CAPZB: variants seen among roughly 807,000 people sequenced by gnomAD.
CAPZB encodes the protein F-actin-capping protein subunit beta.
In CAPZB, 2 loss-of-function variants were observed where a neutral mutation model predicts 38.1. That is an observed-to-expected ratio of 0.05 (90% confidence interval 0.02 to 0.17). The LOEUF (loss-of-function observed/expected upper bound fraction) is 0.17. Ranked by LOEUF, CAPZB falls within the 10% of genes least tolerant of loss-of-function variation. The pLI, the probability that CAPZB is intolerant of heterozygous loss-of-function variation, is 1.00. For missense variants in CAPZB, 161 were observed against 334.2 expected (o/e 0.48, Z 4.04); for synonymous variants, 107 against 127.4 (o/e 0.84, Z 1.08).
At chr1:19,462,518 G>C (rs979087611) in intron 1 of CAPZB, among the ~76,000 whole-genome samples, 2 of 152,104 alleles carry the variant, frequency 1.3e-5, no homozygotes, top group Non-Finnish European at 2.9e-5. Context: ...ATACAGGTGG[G>C]GAAACTGAGG....
intron 2 of CAPZB, among the ~76,000 whole-genome samples, chr1:19,387,688 C>T (rs956446584): frequency 2.6e-5 from 4 of 152,168 alleles, no homozygotes; most frequent in East Asian, 1.9e-4. Flanking sequence ...CTCCTGACTC[C>T]GCTGCGTACA....
At chr1:19,424,732 AACTCTAAG>A (rs1218080436) in intron 1 of CAPZB, 5 of 152,288 alleles carry the variant, frequency 3.3e-5, no homozygotes, top group Non-Finnish European at 7.3e-5. Context: ...GGCCCAGATG[AACTCTAAG>A]ACTCCTTCTA....
chr1:19,476,338 C>A (rs961872670), intron 1 of CAPZB, among the ~76,000 whole-genome samples: 4 of 152,042 alleles, frequency 2.6e-5, no homozygotes, highest in Non-Finnish European at 4.4e-5. Context: ...ACTGCTTGAG[C>A]CGAGGAGGCT....
rs1044348126 is a variant in CAPZB, at chr1:19,434,757, C to T, written c.4-15007G>A. 7.2e-5 allele frequency among the ~76,000 whole-genome samples: 11 copies of T among 151,998 alleles called. No homozygotes were observed. In the East Asian group the frequency reaches 7.7e-4, roughly 11 times the overall value. On this transcript the variant is annotated intron_variant, in intron 1 of 8. Transcript: ENST00000264202. ...CAGCTTGGGCAACACGGTAAAACCC[C>T]GTCTCTACAAAAAATACAAAAATTA...
intron 1 of CAPZB, among the ~76,000 whole-genome samples, chr1:19,435,011 C>T (rs1243775229): frequency 7.9e-6 from 1 of 126,378 alleles, no homozygotes; most frequent in East Asian, 2.3e-4. Flanking sequence ...AAAAAAAACA[C>T]ACTCATTATA....
chr1:19,342,592 C>CGAGGCTACACGGGAATGTGGCT (rs2093936078), intron 8 of CAPZB, among the ~76,000 whole-genome samples: 1 of 152,040 alleles, frequency 6.6e-6, no homozygotes, highest in African/African-American at 2.4e-5. Context: ...TACATGGGGC[C>CGAGGCTACACGGGAATGTGGCT]GAGGCTACAC....
intron 1 of CAPZB, among the ~76,000 whole-genome samples, chr1:19,482,610 T>A (rs1012933788): frequency 6.6e-6 from 1 of 152,232 alleles, no homozygotes; most frequent in Non-Finnish European, 1.5e-5. Context: ...GGAATGCAAA[T>A]AAATTCCATT....
At chr1:19,475,407 C>G (rs1361591992) in intron 1 of CAPZB, among the ~76,000 whole-genome samples, 5 of 152,208 alleles carry the variant, frequency 3.3e-5, no homozygotes, top group African/African-American at 9.6e-5. Context: ...TGACTTCAGG[C>G]CAAGCGCTCA....
chr1:19,366,314 A>ATAT (rs1176738810), intron 4 of CAPZB, among the ~76,000 whole-genome samples: 5 of 140,522 alleles, frequency 3.6e-5, no homozygotes, highest in South Asian at 2.2e-4. Flanking sequence ...ATATATAAAT[A>ATAT]AAATAAATGG....
At chr1:19,397,977 C>T (rs1410665807) in intron 2 of CAPZB, among the ~76,000 whole-genome samples, 1 of 152,116 alleles carries the variant, frequency 6.6e-6, no homozygotes, top group Non-Finnish European at 1.5e-5. Flanking sequence ...GGTTGATATT[C>T]ATCTGCACGT....
Position 19,378,635 on chromosome 1 carries a change from C to T in CAPZB, c.234G>A (p.Lys78=). ...CCCCATCCTCCAAGGGAGGGTCATA[C>T]TTGTTACTCCATGGTGACCTGGAGG... is the stretch of plus-strand genomic sequence containing the variant. ...GDSYRSPWSN[K]YDPPLEDGAM... The change falls in exon 4 of 9, where the codon AAG becomes AAA. Residue 78 remains lysine, a synonymous_variant. Coordinates refer to ENST00000264202, the MANE Select transcript of CAPZB (RefSeq NM_004930.5). The T allele has an allele frequency of 1.2e-6, 2 of 1,604,234 alleles. No homozygotes were observed. Among genetic ancestry groups the T allele is most frequent in the East Asian group, 2.2e-5 (1 of 44,868 alleles).
intron 1 of CAPZB, among the ~76,000 whole-genome samples, chr1:19,446,556 A>ATTC (rs1192992075): frequency 6.6e-6 from 1 of 152,144 alleles, no homozygotes; most frequent in Non-Finnish European, 1.5e-5. Context: ...ACCTCCTAGG[A>ATTC]ATCTACCCTA....
intron 1 of CAPZB, among the ~76,000 whole-genome samples, chr1:19,422,508 G>A (rs1361384862): frequency 5.9e-5 from 9 of 152,088 alleles, no homozygotes; most frequent in Admixed American, 2.6e-4. Flanking sequence ...AGGCCAAGGC[G>A]GGCGGATCAT....
At chr1:19,432,639 C>A (rs1456808176) in intron 1 of CAPZB, among the ~76,000 whole-genome samples, 2 of 152,218 alleles carry the variant, frequency 1.3e-5, no homozygotes, top group African/African-American at 4.8e-5. Flanking sequence ...TTCAGGAGAG[C>A]CTCACAACAG....
intron 1 of CAPZB, among the ~76,000 whole-genome samples, chr1:19,442,681 T>C (rs1178623818): frequency 6.6e-6 from 1 of 152,176 alleles, no homozygotes; most frequent in African/African-American, 2.4e-5. Context: ...TGCAGCTTTG[T>C]AGCAGCCCAG....
intron 1 of CAPZB, among the ~76,000 whole-genome samples, chr1:19,425,416 G>A (rs1367312352): frequency 8.5e-5 from 13 of 152,094 alleles, no homozygotes; most frequent in Non-Finnish European, 1.5e-4. Context: ...TGCTCCTCAT[G>A]GAGCTTATGG....
intron 3 of CAPZB, among the ~76,000 whole-genome samples, chr1:19,383,543 G>A (rs1012334862): frequency 5.3e-5 from 8 of 152,094 alleles, no homozygotes; most frequent in East Asian, 3.9e-4. Context: ...CAGCCTGGGC[G>A]ACAGAGCAAG....
At chr1:19,475,564 G>A (rs1275188750) in intron 1 of CAPZB, among the ~76,000 whole-genome samples, 1 of 152,218 alleles carries the variant, frequency 6.6e-6, no homozygotes, top group East Asian at 1.9e-4. Context: ...CATCTCGGGG[G>A]CAGACCCCGC....
intron 2 of CAPZB, among the ~76,000 whole-genome samples, chr1:19,406,479 C>T (rs185670105): frequency 2.3e-4 from 35 of 152,280 alleles, no homozygotes; most frequent in Non-Finnish European, 4.1e-4. Flanking sequence ...AACTTCTTGC[C>T]GGTGCTAAGA....
Sources: gnomAD v4.1 joint callset for allele counts (sites outside exome capture counted in the v4.1 genomes callset) on GRCh38, gnomAD v4.1.1 for gene constraint, MANE v1.5 for transcripts, NCBI Gene and HGNC (gene_info 2026-07-23, HGNC 2026-07-21) for gene names.